Variants in GRIA4 observed in about 807,000 individuals in gnomAD.
GRIA4 encodes glutamate ionotropic receptor AMPA type subunit 4, also known as glutamate receptor 4.
Under a neutral mutation model 104.0 loss-of-function variants are expected in GRIA4, and 34 were observed. The ratio of observed to expected loss-of-function variants is 0.33; its 90% CI spans 0.25 to 0.44. The LOEUF (loss-of-function observed/expected upper bound fraction) is 0.44. Ranked by LOEUF, GRIA4 falls within the 20% of genes least tolerant of loss-of-function variation. The probability of loss-of-function intolerance (pLI) is 1.00; values close to 1 mark genes in which losing one functional copy is unlikely to be tolerated. For synonymous variants in GRIA4, 386 were observed against 381.9 expected (o/e 1.01, Z -0.13); for missense variants, 750 against 1,096.5 (o/e 0.68, Z 4.46).
chr11:105,708,618 C>G (rs1483913700), intron 3 of GRIA4, among the ~76,000 whole-genome samples: 1 of 152,002 alleles, frequency 6.6e-6, no homozygotes, highest in African/African-American at 2.4e-5. Context: ...ATACGGTACA[C>G]TAGTTAATAA....
intron 13 of GRIA4, among the ~76,000 whole-genome samples, chr11:105,933,155 T>C (rs1315452126): frequency 6.6e-6 from 1 of 151,816 alleles, no homozygotes. Context: ...GGCGGGAGGA[T>C]CTCTTGAGCC....
chr11:105,745,773 T>C (rs1220106550), intron 3 of GRIA4, among the ~76,000 whole-genome samples: 1 of 152,186 alleles, frequency 6.6e-6, no homozygotes, highest in Non-Finnish European at 1.5e-5. Context: ...GTGGGACTTG[T>C]GGAGTTCAGT....
chr11:105,779,472 CA>C (rs1481998690), intron 4 of GRIA4, among the ~76,000 whole-genome samples: 1 of 152,086 alleles, frequency 6.6e-6, no homozygotes, highest in Non-Finnish European at 1.5e-5. Context: ...CATGTGATCT[CA>C]TTGTTCAGTT....
At chr11:105,949,132 T>C (rs1948401894) in intron 14 of GRIA4, among the ~76,000 whole-genome samples, 1 of 152,164 alleles carries the variant, frequency 6.6e-6, no homozygotes, top group Non-Finnish European at 1.5e-5. Flanking sequence ...AAATATCTTC[T>C]AAGATTATTT....
At chr11:105,818,345 T>TA (rs1399610239) in intron 4 of GRIA4, among the ~76,000 whole-genome samples, 2 of 152,096 alleles carry the variant, frequency 1.3e-5, no homozygotes, top group Non-Finnish European at 2.9e-5. Context: ...ACCTCACTGA[T>TA]ACGTTTGTTT....
chr11:105,918,201 G>T (rs1459083635), intron 10 of GRIA4, among the ~76,000 whole-genome samples: 3 of 152,060 alleles, frequency 2.0e-5, no homozygotes, highest in African/African-American at 7.2e-5. Context: ...TCTGAGACAA[G>T]CATCTTGCCA....
At chr11:105,884,889 A>G (rs1262211344) in intron 5 of GRIA4, among the ~76,000 whole-genome samples, 1 of 152,216 alleles carries the variant, frequency 6.6e-6, no homozygotes, top group African/African-American at 2.4e-5. Flanking sequence ...TCCACTTAAA[A>G]TGGATTTTTA....
At chr11:105,863,407 T>A (rs1565298022) in intron 5 of GRIA4, among the ~76,000 whole-genome samples, 1 of 151,482 alleles carries the variant, frequency 6.6e-6, no homozygotes, top group Non-Finnish European at 1.5e-5. Flanking sequence ...TATATATATA[T>A]ACTGAAGAAA....
chr11:105,693,425 T>C (rs1365596309), intron 3 of GRIA4, among the ~76,000 whole-genome samples: 1 of 152,174 alleles, frequency 6.6e-6, no homozygotes, highest in East Asian at 1.9e-4. Flanking sequence ...GAAAATACAG[T>C]AAACCTTCCC....
chr11:105,777,540 T>C (rs1036541552), intron 4 of GRIA4, among the ~76,000 whole-genome samples: 3 of 152,216 alleles, frequency 2.0e-5, no homozygotes, highest in Non-Finnish European at 2.9e-5. Context: ...CCATTCATTT[T>C]AACACATGAC....
At chr11:105,708,242 A>T (rs919791704) in intron 3 of GRIA4, among the ~76,000 whole-genome samples, 3 of 152,138 alleles carry the variant, frequency 2.0e-5, no homozygotes, top group African/African-American at 7.2e-5. Flanking sequence ...GGGGAATGAG[A>T]AAGTATACAT....
chr11:105,631,006 G>A (rs541269950), intron 3 of GRIA4, among the ~76,000 whole-genome samples: 11 of 152,152 alleles, frequency 7.2e-5, no homozygotes, highest in South Asian at 2.1e-4. Context: ...TAAAATTCTC[G>A]TCTAAACCCC....
At chr11:105,862,515 A>G (rs2136022631) in intron 5 of GRIA4, 1 of 192,066 alleles carries the variant, frequency 5.2e-6, no homozygotes, top group East Asian at 1.4e-4. Flanking sequence ...TTAATGTTGA[A>G]GATTAATCCC....
intron 3 of GRIA4, among the ~76,000 whole-genome samples, chr11:105,716,309 T>A (rs1473071709): frequency 1.3e-5 from 2 of 152,194 alleles, no homozygotes; most frequent in African/African-American, 4.8e-5. Context: ...AAACAGCTCC[T>A]ATTTACATAG....
chr11:105,898,428 GTATTTGTT>G lies in GRIA4; in HGVS notation c.885+7_885+14del. The G allele has an allele frequency of 6.5e-7, 1 of 1,540,424 alleles. No individual in the cohort carries two copies. Among genetic ancestry groups the G allele is most frequent in the South Asian group, 1.1e-5 (1 of 87,646 alleles). ...TCCAGGATCTGAGACTCCTCCAAAG[GTATTTGTT>G]TATTTTTATCTACTGTATTACTGAT... On this transcript the variant is annotated splice_donor_variant and splice_donor_5th_base_variant and intron_variant, in intron 7 of 16. Coordinates refer to ENST00000282499, the MANE Select transcript of GRIA4 (RefSeq NM_000829.4). LOFTEE classifies it high-confidence loss of function.
chr11:105,921,304 T>TGG (rs201374327), intron 11 of GRIA4, among the ~76,000 whole-genome samples: 4,311 of 135,452 alleles, frequency 0.032, 75 homozygotes, highest in Non-Finnish European at 0.046. Context: ...CTACCACACT[T>TGG]GGGTGTGTGT....
chr11:105,918,591 A>G (rs1947473660), intron 10 of GRIA4, 121 bp from the exon 11 acceptor site: 1 of 600,684 alleles, frequency 1.7e-6, no homozygotes, highest in South Asian at 2.0e-5. Flanking sequence ...AGCTACACCA[A>G]ATCAGTATGT....
intron 3 of GRIA4, among the ~76,000 whole-genome samples, chr11:105,628,819 G>A (rs1950956545): frequency 6.6e-6 from 1 of 152,054 alleles, no homozygotes; most frequent in South Asian, 2.1e-4. Context: ...TAACAGAATT[G>A]ATAAAATCAC....
chr11:105,771,040 A>G (rs997852275), intron 4 of GRIA4, among the ~76,000 whole-genome samples: 1 of 151,922 alleles, frequency 6.6e-6, no homozygotes, highest in South Asian at 2.1e-4. Context: ...TCCTCTGTCT[A>G]TACACATGAC....
Sources: allele counts gnomAD v4.1 joint callset (sites outside exome capture counted in the v4.1 genomes callset), GRCh38; gene constraint gnomAD v4.1.1; transcripts MANE v1.5; gene names NCBI Gene and HGNC (gene_info 2026-07-23, HGNC 2026-07-21).